Variants in CAMTA1 observed in about 807,000 individuals in gnomAD.
CAMTA1 encodes the protein calmodulin binding transcription activator 1, also known as calmodulin-binding transcription activator 1.
Under a neutral mutation model 170.9 loss-of-function variants are expected in CAMTA1, and 27 were observed. The ratio of observed to expected loss-of-function variants is 0.16; its 90% confidence interval spans 0.12 to 0.22. The LOEUF (loss-of-function observed/expected upper bound fraction) is 0.22. Among genes scored for constraint, CAMTA1 ranks in the 10% least tolerant of loss-of-function variants. The pLI is 1.00. For synonymous variants in CAMTA1, 833 were observed against 891.5 expected, an observed-to-expected ratio of 0.93 and a Z score of 1.17; for missense variants, 1,619 against 2,217.2, an observed-to-expected ratio of 0.73 and a Z score of 5.42.
intron 4 of CAMTA1, among the ~76,000 whole-genome samples, chr1:7,149,604 G>A (rs1646447089): frequency 6.6e-6 from 1 of 152,184 alleles, no homozygotes; most frequent in Admixed American, 6.5e-5. Flanking sequence ...TTTCCATGAA[G>A]GCGGAATGTT....
Position 7,400,164 on chromosome 1 carries a change from T to C in CAMTA1, c.439-67666T>C, listed in dbSNP as rs1028626076. On this transcript the variant is annotated intron_variant, in intron 5 of 22. Coordinates refer to ENST00000303635, the MANE Select transcript of CAMTA1 (RefSeq NM_015215.4). ...AGTCCTATAAGCTTTGTTTACTCTT[T>C]TTGATTCTGTTTTCTCTTTTGTACT... Among the ~76,000 whole-genome samples, 4 of 152,256 alleles carry C rather than the reference T, an allele frequency of 2.6e-5. No individual in the cohort carries two copies. The East Asian group carries it at 7.7e-4, about 29-fold the overall frequency.
At chr1:6,901,020 A>T (rs1676820407) in intron 3 of CAMTA1, among the ~76,000 whole-genome samples, 1 of 152,240 alleles carries the variant, frequency 6.6e-6, no homozygotes, top group South Asian at 2.1e-4. Flanking sequence ...TAATCAAGAC[A>T]GTGTGGTATT....
intron 4 of CAMTA1, among the ~76,000 whole-genome samples, chr1:7,185,535 A>G (rs369866788): frequency 9.5e-4 from 144 of 152,344 alleles, no homozygotes; most frequent in African/African-American, 3.3e-3. Context: ...AAAATGTAGA[A>G]GGAATTTACA....
intron 3 of CAMTA1, among the ~76,000 whole-genome samples, chr1:6,858,618 C>T (rs1571023198): frequency 6.6e-6 from 1 of 152,000 alleles, no homozygotes; most frequent in South Asian, 2.1e-4. Flanking sequence ...TTGGTCTGAT[C>T]CTATAGTGGG....
At position 7,542,432 on chromosome 1, in the gene CAMTA1, T is replaced by A. The variant is rs1209257064; in HGVS notation, c.510+74531T>A. Among the ~76,000 whole-genome samples, 4 of 152,336 alleles carry A rather than the reference T, an allele frequency of 2.6e-5. No homozygotes were observed. In the East Asian group the frequency reaches 7.7e-4, roughly 29 times the overall value. On this transcript the variant is annotated intron_variant, in intron 6 of 22. Transcript: ENST00000303635. ...GTTTCTCAAAACATATTTTTTTGTT[T>A]TTTTTGTTTGTTTGTTTTTTTGAGA...
intron 5 of CAMTA1, among the ~76,000 whole-genome samples, chr1:7,292,791 C>G (rs573951269): frequency 6.6e-6 from 1 of 152,308 alleles, no homozygotes; most frequent in Admixed American, 6.5e-5. Context: ...CCATTTTGTT[C>G]AAGTGAGTTC....
At chr1:7,357,560 GA>G (rs2085215725) in intron 5 of CAMTA1, among the ~76,000 whole-genome samples, 1 of 152,178 alleles carries the variant, frequency 6.6e-6, no homozygotes, top group Admixed American at 6.5e-5. Flanking sequence ...ATACATGTGA[GA>G]GGGGTAGGGA....
chr1:7,142,068 T>G (rs1645921226), intron 4 of CAMTA1: 1 of 518,004 alleles, frequency 1.9e-6, no homozygotes, highest in Admixed American at 1.9e-5. Context: ...CTTGCTAAGC[T>G]GCTTGGATCC....
intron 21 of CAMTA1, among the ~76,000 whole-genome samples, chr1:7,755,365 A>G (rs925803354): frequency 6.7e-6 from 1 of 149,350 alleles, no homozygotes; most frequent in Admixed American, 6.7e-5. Flanking sequence ...AAAACCTCAT[A>G]TGACACCCTC....
At chr1:7,652,987 C>A (rs1421650261) in intron 7 of CAMTA1, among the ~76,000 whole-genome samples, 1 of 152,210 alleles carries the variant, frequency 6.6e-6, no homozygotes, top group African/African-American at 2.4e-5. Context: ...CAAGGGATCA[C>A]TGGGAGGTTA....
intron 3 of CAMTA1, among the ~76,000 whole-genome samples, chr1:6,935,182 A>G (rs1015686103): frequency 5.9e-5 from 9 of 152,230 alleles, no homozygotes; most frequent in African/African-American, 1.9e-4. Context: ...TCTGAAATAC[A>G]ACCCGAGGCA....
At chr1:7,598,519 C>T (rs1042806434) in intron 6 of CAMTA1, among the ~76,000 whole-genome samples, 1 of 152,214 alleles carries the variant, frequency 6.6e-6, no homozygotes, top group Admixed American at 6.5e-5. Flanking sequence ...ACACTGACTT[C>T]TACAATGGTT....
chr1:7,556,170 T>G (rs1420895321), intron 6 of CAMTA1, among the ~76,000 whole-genome samples: 1 of 152,194 alleles, frequency 6.6e-6, no homozygotes, highest in Non-Finnish European at 1.5e-5. Flanking sequence ...CTGCGGGCTC[T>G]GGGCGGAGAG....
chr1:7,118,030 A>G (rs1480321344), intron 4 of CAMTA1, among the ~76,000 whole-genome samples: 3 of 152,142 alleles, frequency 2.0e-5, no homozygotes, highest in African/African-American at 7.2e-5. Context: ...GTTGGCTTAC[A>G]AAGGCTTCAT....
At chr1:6,987,965 C>T (rs374898042) in intron 3 of CAMTA1, among the ~76,000 whole-genome samples, 1 of 152,214 alleles carries the variant, frequency 6.6e-6, no homozygotes, top group Admixed American at 6.5e-5. Flanking sequence ...GCTTAGCCAG[C>T]TCTGCTTGAC....
At chr1:7,568,091 C>T (rs1457088017) in intron 6 of CAMTA1, among the ~76,000 whole-genome samples, 1 of 152,024 alleles carries the variant, frequency 6.6e-6, no homozygotes, top group Non-Finnish European at 1.5e-5. Context: ...CCATCTCCAT[C>T]ATCATCATCA....
Position 7,561,278 on chromosome 1 carries a change from T to C in CAMTA1, c.511-79122T>C, listed in dbSNP as rs1431304531. On this transcript the variant is annotated intron_variant, in intron 6 of 22. Coordinates refer to ENST00000303635, the MANE Select transcript of CAMTA1 (RefSeq NM_015215.4). The surrounding 1 kb of genome is among the most constrained non-coding windows in gnomAD (Gnocchi z 5.3). ...TCATCCCAGCCCCTCTACCATCTGC[T>C]CAGCTACCAAGGCTGAGGTTGGTGC... 6.6e-6 allele frequency among the ~76,000 whole-genome samples: 1 copy of C among 151,320 alleles called. No individual in the cohort carries two copies. The highest frequency in any genetic ancestry group is 6.6e-5 in the Admixed American group (1 of 15,242).
At chr1:7,554,285 C>A (rs2150205342) in intron 6 of CAMTA1, among the ~76,000 whole-genome samples, 1 of 152,278 alleles carries the variant, frequency 6.6e-6, no homozygotes, top group South Asian at 2.1e-4. Flanking sequence ...CTCTACCCTG[C>A]ACTCCTTCAC....
In CAMTA1 at chr1:7,645,755, C is replaced by T. The variant is rs528549899; in HGVS notation, c.664+5202C>T. On this transcript the variant is annotated intron_variant, in intron 7 of 22. Transcript: ENST00000303635. ...GGCAGGTGTCCTCTGCAGCACTGGGCGGGCGGCAGGAGGGCTGGCTGTGGA... is the reference window on the plus strand; with the variant it reads ...GGCAGGTGTCCTCTGCAGCACTGGGTGGGCGGCAGGAGGGCTGGCTGTGGA... Among the ~76,000 whole-genome samples, 6 of 152,246 alleles carry T rather than the reference C, an allele frequency of 3.9e-5. No homozygotes were observed. The South Asian group carries it at 6.2e-4, about 16-fold the overall frequency.
Sources: gnomAD v4.1 joint callset for allele counts (sites outside exome capture counted in the v4.1 genomes callset) on GRCh38, gnomAD v4.1.1 for gene constraint, Gnocchi (gnomAD v3.1) non-coding constraint, MANE v1.5 for transcripts, NCBI Gene and HGNC (gene_info 2026-07-23, HGNC 2026-07-21) for gene names.